DCDC1: variants seen among roughly 807,000 people sequenced by gnomAD.
DCDC1 encodes doublecortin domain containing 1.
Under a neutral mutation model 178.3 loss-of-function variants are expected in DCDC1, and 200 were observed. The observed-to-expected ratio is 1.12, with a 90% CI of 1.00 to 1.26. The LOEUF (loss-of-function observed/expected upper bound fraction) is 1.26. Ranked by LOEUF, DCDC1 falls within the 50% of genes most tolerant of loss-of-function variation. The pLI, the probability that DCDC1 is intolerant of heterozygous loss-of-function variation, is 0.00. For synonymous variants in DCDC1, 690 were observed against 604.8 expected, an observed-to-expected ratio of 1.14 and a Z score of -2.07; for missense variants, 1,983 against 1,749.2, an observed-to-expected ratio of 1.13 and a Z score of -2.38.
chr11:31,039,196 T>C (rs1251278068), intron 20 of DCDC1, among the ~76,000 whole-genome samples: 1 of 152,190 alleles, frequency 6.6e-6, no homozygotes, highest in Non-Finnish European at 1.5e-5. Flanking sequence ...CTATGATCCT[T>C]AGTCTACTAA....
At chr11:31,069,334 T>A (rs1313950362) in intron 18 of DCDC1, among the ~76,000 whole-genome samples, 1 of 152,148 alleles carries the variant, frequency 6.6e-6, no homozygotes, top group African/African-American at 2.4e-5. Context: ...AAATTAGGAT[T>A]TTCATTTTAC....
At chr11:31,107,072 T>C (rs183227518) in intron 12 of DCDC1, 112 bp from the exon 13 acceptor site, 2 of 607,400 alleles carry the variant, frequency 3.3e-6, no homozygotes, top group Admixed American at 6.0e-5. Flanking sequence ...AAACAAATGA[T>C]AATTAAATTC....
intron 18 of DCDC1, among the ~76,000 whole-genome samples, chr11:31,075,717 C>T (rs1228633001): frequency 6.6e-6 from 1 of 152,164 alleles, no homozygotes; most frequent in Non-Finnish European, 1.5e-5. Context: ...ACGTCCTTCG[C>T]CCACTTTTTA....
At chr11:31,054,836 C>G (rs1955482924) in intron 20 of DCDC1, among the ~76,000 whole-genome samples, 1 of 152,102 alleles carries the variant, frequency 6.6e-6, no homozygotes, top group Non-Finnish European at 1.5e-5. Context: ...AAAATCAACT[C>G]AAAATGGACT....
chr11:30,994,017 T>A (rs894497778), intron 20 of DCDC1, among the ~76,000 whole-genome samples: 1 of 152,156 alleles, frequency 6.6e-6, no homozygotes, highest in Non-Finnish European at 1.5e-5. Flanking sequence ...TACAGATCAA[T>A]ATTCCTCATG....
At chr11:30,902,111 A>C (rs1020823698) in intron 32 of DCDC1, among the ~76,000 whole-genome samples, 6 of 152,122 alleles carry the variant, frequency 3.9e-5, no homozygotes, top group African/African-American at 1.4e-4. Flanking sequence ...CTATGGTTTG[A>C]ATGTGTGCTT....
At chr11:30,892,465 T>G (rs1943869400) in intron 36 of DCDC1, among the ~76,000 whole-genome samples, 1 of 152,102 alleles carries the variant, frequency 6.6e-6, no homozygotes, top group South Asian at 2.1e-4. Context: ...AGAGTGAGAC[T>G]CTGTCTCAAA....
chr11:31,287,757 A>G (rs1946941508), intron 7 of DCDC1, among the ~76,000 whole-genome samples: 1 of 152,006 alleles, frequency 6.6e-6, no homozygotes, highest in African/African-American at 2.4e-5. Flanking sequence ...ACACAGCAGA[A>G]TACAGGAGGT....
chr11:31,112,492 T>C (rs933658091), intron 11 of DCDC1, among the ~76,000 whole-genome samples: 4 of 152,200 alleles, frequency 2.6e-5, no homozygotes, highest in African/African-American at 9.6e-5. Context: ...AGTGGCTCTC[T>C]GCATGGCCTC....
intron 20 of DCDC1, among the ~76,000 whole-genome samples, chr11:31,061,889 G>T (rs973589290): frequency 6.4e-4 from 98 of 152,110 alleles, no homozygotes; most frequent in Middle Eastern, 3.4e-3. Context: ...CATTAACTGC[G>T]CTGTCTTTTT....
chr11:31,042,419 C>A (rs1366173819), intron 20 of DCDC1, among the ~76,000 whole-genome samples: 1 of 152,198 alleles, frequency 6.6e-6, no homozygotes, highest in East Asian at 1.9e-4. Context: ...GCCAGCAAGT[C>A]CCAAAGTCAT....
intron 20 of DCDC1, among the ~76,000 whole-genome samples, chr11:30,965,540 T>G (rs527471507): frequency 6.6e-6 from 1 of 152,088 alleles, no homozygotes; most frequent in East Asian, 1.9e-4. Context: ...AATTTCTTTT[T>G]TTTTTTTTGT....
intron 20 of DCDC1, among the ~76,000 whole-genome samples, chr11:31,014,606 T>C (rs1318885334): frequency 6.6e-6 from 1 of 152,150 alleles, no homozygotes; most frequent in Non-Finnish European, 1.5e-5. Flanking sequence ...AGCAAGAACA[T>C]ATTACTTATT....
chr11:31,323,775 A>G (rs887948754), intron 3 of DCDC1, among the ~76,000 whole-genome samples: 1 of 152,276 alleles, frequency 6.6e-6, no homozygotes, highest in South Asian at 2.1e-4. Flanking sequence ...AACCAATAAA[A>G]GAAATAACCC....
At chr11:30,882,448 A>T (rs570897283) in intron 36 of DCDC1, 35 of 151,928 alleles carry the variant, frequency 2.3e-4, no homozygotes, top group African/African-American at 3.1e-4. Flanking sequence ...ATTTTTATAT[A>T]TTTTTTTATC....
intron 9 of DCDC1, among the ~76,000 whole-genome samples, chr11:31,224,725 G>T (rs1247571045): frequency 6.6e-6 from 1 of 151,992 alleles, no homozygotes; most frequent in East Asian, 1.9e-4. Flanking sequence ...CTCAAAGGAA[G>T]ATATACAAAC....
chr11:31,008,555 C>A (rs1951988628), intron 20 of DCDC1, among the ~76,000 whole-genome samples: 1 of 152,172 alleles, frequency 6.6e-6, no homozygotes, highest in Non-Finnish European at 1.5e-5. Flanking sequence ...GTTGTTATAT[C>A]TCTCATGTGT....
At chr11:31,205,299 T>C (rs980542430) in intron 9 of DCDC1, among the ~76,000 whole-genome samples, 1 of 152,208 alleles carries the variant, frequency 6.6e-6, no homozygotes, top group Non-Finnish European at 1.5e-5. Context: ...AGAGGCTGTA[T>C]GGTACACAAA....
chr11:30,884,033 A>ATTTTTTTTTTTTTTTTTTTTTT (rs59940255), intron 36 of DCDC1, among the ~76,000 whole-genome samples: 2 of 95,772 alleles, frequency 2.1e-5, no homozygotes, highest in Non-Finnish European at 2.0e-5. Context: ...ATTCTTTCTC[A>ATTTTTTTTTTTTTTTTTTTTTT]TTTTTTTTTT....
Sources: allele counts gnomAD v4.1 joint callset (sites outside exome capture counted in the v4.1 genomes callset), GRCh38; gene constraint gnomAD v4.1.1; transcripts MANE v1.5; gene names NCBI Gene and HGNC (gene_info 2026-07-23, HGNC 2026-07-21).